The following SMYD4 variants were observed in gnomAD, a reference collection of about 807,000 sequenced individuals.
SMYD4 encodes the protein protein-lysine N-methyltransferase SMYD4.
A neutral mutation model predicts 72.8 loss-of-function variants in SMYD4; 68 were observed. The ratio of observed to expected loss-of-function variants is 0.93; its 90% CI spans 0.77 to 1.14. The LOEUF (loss-of-function observed/expected upper bound fraction) is 1.14, where lower values mean the gene tolerates loss of function less well. Among genes scored for constraint, SMYD4 ranks in the 50% most tolerant of loss-of-function variants. The probability of loss-of-function intolerance (pLI) is 0.00; values close to 1 mark genes in which losing one functional copy is unlikely to be tolerated. For missense variants in SMYD4, 984 were observed against 1,003.7 expected, an observed-to-expected ratio of 0.98 and a Z score of 0.27; for synonymous variants, 407 against 388.6, an observed-to-expected ratio of 1.05 and a Z score of -0.56.
chr17:1,804,788 G>A lies in SMYD4; in HGVS notation c.280-73C>T, dbSNP rs572182425. The A allele has an allele frequency of 1.2e-4, 180 of 1,468,132 alleles. No individual in the cohort carries two copies. The African/African-American group carries it at 2.0e-3, about 16-fold the overall frequency. 90.9% of individuals were successfully genotyped at this position (1,468,132 alleles called of 1,614,324 possible). On this transcript the variant is annotated intron_variant, in intron 3 of 10. Transcript: ENST00000305513. ...CTGAAGAACATTTTTCAGATATTCC[G>A]GGCTCTAGTACTGAAGACTGTGTGA...
intron 1 of SMYD4, among the ~76,000 whole-genome samples, chr17:1,828,256 C>G (rs996677306): frequency 3.3e-5 from 5 of 150,640 alleles, no homozygotes; most frequent in African/African-American, 1.2e-4. Flanking sequence ...GAGGCTGAGG[C>G]AAGAGAACTG....
chr17:1,787,706 C>T, intron 5 of SMYD4, 102 bp from the exon 6 acceptor site: 4 of 1,199,834 alleles, frequency 3.3e-6, no homozygotes, highest in Non-Finnish European at 3.4e-6. Flanking sequence ...GCCTGCAGCC[C>T]GTGTGAGTCA....
rs1567760968 is a variant in SMYD4 at position 1,780,043 on chromosome 17, T to A, written c.*1243A>T. On this transcript the variant is annotated 3_prime_UTR_variant, in exon 11 of 11. Transcript: ENST00000305513. ...GGAATCTCCAGATACTAGTTTTAAGTCTTTTCTGGGAACTGGGAGTTTGTA... is the reference window on the plus strand; with the variant it reads ...GGAATCTCCAGATACTAGTTTTAAGACTTTTCTGGGAACTGGGAGTTTGTA... 6.6e-6 allele frequency: 1 copy of A among 152,352 alleles called. No individual in the cohort carries two copies. The highest frequency in any genetic ancestry group is 1.5e-5 in the Non-Finnish European group (1 of 68,032). The allele number at this position is 152,352 out of a possible 1,614,324, so 9.4% of individuals were successfully genotyped here. A position where few individuals can be genotyped will look rare whatever the true frequency, so the allele number is the denominator to read the frequency against.
In SMYD4 at chr17:1,804,714, C is replaced by G; in HGVS notation, c.281G>C (p.Gly94Ala). 1 of 1,613,002 alleles carries G rather than the reference C, an allele frequency of 6.2e-7. No individual in the cohort carries two copies. Among genetic ancestry groups the G allele is most frequent in the Non-Finnish European group, 8.5e-7 (1 of 1,179,252 alleles). The part of the protein sequence containing the change: ...YTGAAVLYSK[G>A]VSHSRPNTED... ...AGTGTTAGGCCTTGAATGTGACACT[C>G]CCTGCAAAACAATGAACTGGTTAAA... The change falls in exon 4 of 11, where the codon GGA (glycine) becomes GCA (alanine). Residue 94 changes from glycine (G) to alanine (A), a missense_variant and splice_region_variant. Transcript: ENST00000305513.
At chr17:1,784,303 C>G in intron 8 of SMYD4, 23 bp downstream of exon 8, 1 of 1,613,952 alleles carries the variant, frequency 6.2e-7, no homozygotes, top group South Asian at 1.1e-5. Context: ...GGCTGGAGGA[C>G]CAAAGCAGGG....
At chr17:1,790,147 C>T (rs926603375) in intron 5 of SMYD4, among the ~76,000 whole-genome samples, 7 of 152,298 alleles carry the variant, frequency 4.6e-5, no homozygotes, top group Non-Finnish European at 8.8e-5. Flanking sequence ...GCATTGCCAA[C>T]TACTGATAAC....
chr17:1,806,851 C>G (rs1910058003), intron 3 of SMYD4, among the ~76,000 whole-genome samples: 1 of 152,124 alleles, frequency 6.6e-6, no homozygotes, highest in Non-Finnish European at 1.5e-5. Flanking sequence ...GATACAATCA[C>G]TTATCCTACA....
intron 2 of SMYD4, among the ~76,000 whole-genome samples, chr17:1,827,010 G>A (rs1911214429): frequency 6.6e-6 from 1 of 151,996 alleles, no homozygotes. Flanking sequence ...AATGTGAGCT[G>A]GGCATGATGG....
chr17:1,826,491 C>CAAAAAAAAAAAAAAAAAAAAAAAAAA (rs111636314), intron 2 of SMYD4, among the ~76,000 whole-genome samples: 4 of 103,058 alleles, frequency 3.9e-5, no homozygotes, highest in Admixed American at 2.5e-4. Context: ...AAACTCTGTC[C>CAAAAAAAAAAAAAAAAAAAAAAAAAA]AAAAAAAAAA....
chr17:1,802,448 C>T (rs998479709), intron 4 of SMYD4, among the ~76,000 whole-genome samples: 2 of 151,918 alleles, frequency 1.3e-5, no homozygotes, highest in Non-Finnish European at 2.9e-5. Flanking sequence ...TAGCTATGAT[C>T]GAGTCACTGC....
chr17:1,784,610 T>A (rs1908553800), intron 7 of SMYD4, 149 bp from the exon 8 acceptor site: 2 of 1,452,648 alleles, frequency 1.4e-6, no homozygotes, highest in Middle Eastern at 2.6e-4. Context: ...TCTGAGCGAA[T>A]TTTGTTTGAT....
chr17:1,795,317 G>A (rs1909332938), intron 5 of SMYD4, among the ~76,000 whole-genome samples: 2 of 151,340 alleles, frequency 1.3e-5, no homozygotes, highest in African/African-American at 4.8e-5. Context: ...TGTCGCCCTG[G>A]CTATCTATCT....
At chr17:1,798,221 C>T (rs1335501472) in intron 5 of SMYD4, among the ~76,000 whole-genome samples, 1 of 151,370 alleles carries the variant, frequency 6.6e-6, no homozygotes, top group African/African-American at 2.4e-5. Context: ...ACCTCTGCCT[C>T]CTGGGCTGAA....
intron 5 of SMYD4, among the ~76,000 whole-genome samples, chr17:1,794,401 G>A (rs1191708867): frequency 6.6e-6 from 1 of 150,926 alleles, no homozygotes; most frequent in Admixed American, 6.7e-5. Context: ...TTACAGGCCT[G>A]AGCCAACACG....
At position 1,780,358 on chromosome 17, in the gene SMYD4, G is replaced by T. The variant is rs1908298252; in HGVS notation, c.*928C>A. On this transcript the variant is annotated 3_prime_UTR_variant, in exon 11 of 11. Coordinates refer to ENST00000305513, the MANE Select transcript of SMYD4 (RefSeq NM_052928.3). ...GCTTCTCGAGTAGGTGGGACTACAG[G>T]CATGTGCCACCATGCTCGGTGAACT... 1 of 152,042 alleles carries T rather than the reference G, an allele frequency of 6.6e-6. No individual in the cohort carries two copies. The highest frequency in any genetic ancestry group is 1.5e-5 in the Non-Finnish European group (1 of 68,048). The allele number at this position is 152,042 out of a possible 1,614,324, so 9.4% of individuals were successfully genotyped here.
At chr17:1,784,166 C>T (rs1034417386) in intron 8 of SMYD4, among the ~76,000 whole-genome samples, 160 bp downstream of exon 8, 2 of 152,232 alleles carry the variant, frequency 1.3e-5, no homozygotes, top group African/African-American at 2.4e-5. Context: ...CAAAGCTGGT[C>T]AGGGTTTGGA....
At chr17:1,794,127 T>TTTTTG (rs60022529) in intron 5 of SMYD4, among the ~76,000 whole-genome samples, 1 of 75,114 alleles carries the variant, frequency 1.3e-5, no homozygotes, top group African/African-American at 5.5e-5. Flanking sequence ...TTTTTTTTTT[T>TTTTTG]GAGATGGAGT....
At chr17:1,823,214 CA>C (rs57867059) in intron 2 of SMYD4, among the ~76,000 whole-genome samples, 56,195 of 135,540 alleles carry the variant, frequency 0.41, 11,945 homozygotes, top group Non-Finnish European at 0.5. Flanking sequence ...ACTAAAAATA[CA>C]AAAAAAAAAA....
intron 2 of SMYD4, among the ~76,000 whole-genome samples, chr17:1,812,620 C>T (rs1008613353): frequency 7.1e-6 from 1 of 140,184 alleles, no homozygotes; most frequent in African/African-American, 2.7e-5. Flanking sequence ...ATGATCTCGG[C>T]TCGCTGCAAC....
Sources: gnomAD v4.1 joint callset for allele counts (sites outside exome capture counted in the v4.1 genomes callset) on GRCh38, gnomAD v4.1.1 for gene constraint, MANE v1.5 for transcripts, NCBI Gene and HGNC (gene_info 2026-07-23, HGNC 2026-07-21) for gene names.